LUZP2: variants seen among roughly 807,000 people sequenced by gnomAD.
The protein encoded by LUZP2 is leucine zipper protein 2.
LUZP2 carries 52 observed loss-of-function variants against 51.6 expected under a neutral mutation model. The observed-to-expected ratio is 1.01, with a 90% confidence interval of 0.81 to 1.27. The LOEUF (loss-of-function observed/expected upper bound fraction) is 1.27, where lower values mean the gene tolerates loss of function less well. Ranked by LOEUF, LUZP2 falls within the 50% of genes most tolerant of loss-of-function variation. The pLI is 0.00. For missense variants in LUZP2, 436 were observed against 395.4 expected, an observed-to-expected ratio of 1.10 and a Z score of -0.87; for synonymous variants, 154 against 137.3, an observed-to-expected ratio of 1.12 and a Z score of -0.85.
At chr11:25,063,873 A>G (rs1410511202) in intron 10 of LUZP2, among the ~76,000 whole-genome samples, 2 of 151,802 alleles carry the variant, frequency 1.3e-5, no homozygotes, top group Non-Finnish European at 3.0e-5. Context: ...CCATTTCCCT[A>G]TTAAATAAAT....
At chr11:24,961,217 T>C (rs1372905082) in intron 7 of LUZP2, among the ~76,000 whole-genome samples, 1 of 152,206 alleles carries the variant, frequency 6.6e-6, no homozygotes, top group East Asian at 1.9e-4. Flanking sequence ...AAAAAATGTA[T>C]ATTCTGTTGA....
At chr11:24,666,133 A>C (rs1403501900) in intron 1 of LUZP2, among the ~76,000 whole-genome samples, 1 of 152,084 alleles carries the variant, frequency 6.6e-6, no homozygotes. Context: ...AAACAGGAGG[A>C]GCTAGAAATG....
chr11:24,724,350 G>C (rs181833673), intron 1 of LUZP2, among the ~76,000 whole-genome samples: 20 of 152,162 alleles, frequency 1.3e-4, no homozygotes, highest in Non-Finnish European at 2.4e-4. Flanking sequence ...AGGGCAGATC[G>C]ATTGAGCTCA....
chr11:24,579,603 A>C (rs1249585515), intron 1 of LUZP2, among the ~76,000 whole-genome samples: 1 of 152,082 alleles, frequency 6.6e-6, no homozygotes, highest in Non-Finnish European at 1.5e-5. Context: ...TGTATAGTAG[A>C]AATAAAATAA....
At chr11:24,816,857 G>T (rs1217190011) in intron 5 of LUZP2, among the ~76,000 whole-genome samples, 1 of 151,890 alleles carries the variant, frequency 6.6e-6, no homozygotes, top group Non-Finnish European at 1.5e-5. Flanking sequence ...TTCTTTTTCT[G>T]GGCGGTATAT....
chr11:24,632,862 G>T (rs146867105), intron 1 of LUZP2, among the ~76,000 whole-genome samples: 2 of 152,110 alleles, frequency 1.3e-5, no homozygotes, highest in Non-Finnish European at 2.9e-5. Flanking sequence ...GGGGATATTA[G>T]TACTCACCCA....
At chr11:24,845,904 G>A (rs2631473) in intron 5 of LUZP2, among the ~76,000 whole-genome samples, 22,983 of 151,796 alleles carry the variant, frequency 0.15, 1,905 homozygotes, top group African/African-American at 0.2. Context: ...GTCTGGAAAC[G>A]GACTAATAAA....
intron 7 of LUZP2, among the ~76,000 whole-genome samples, chr11:24,923,644 C>T: frequency 6.6e-6 from 1 of 152,034 alleles, no homozygotes; most frequent in East Asian, 1.9e-4. Flanking sequence ...TTGCAGTGAG[C>T]CAAGATCGCG....
intron 1 of LUZP2, among the ~76,000 whole-genome samples, chr11:24,505,762 A>G (rs1377199400): frequency 6.6e-6 from 1 of 152,034 alleles, no homozygotes; most frequent in Non-Finnish European, 1.5e-5. Flanking sequence ...CCAATTCTCT[A>G]TTATCTTAAC....
At chr11:24,880,812 C>T (rs554266387) in intron 5 of LUZP2, among the ~76,000 whole-genome samples, 1 of 151,958 alleles carries the variant, frequency 6.6e-6, no homozygotes, top group African/African-American at 2.4e-5. Flanking sequence ...ATGTTTTACC[C>T]AATGCTAGAC....
chr11:24,768,652 T>G (rs2134045616), intron 5 of LUZP2, among the ~76,000 whole-genome samples: 1 of 152,190 alleles, frequency 6.6e-6, no homozygotes, highest in South Asian at 2.1e-4. Flanking sequence ...AATAAAAAAA[T>G]ACTCCCAACA....
chr11:24,543,524 T>C (rs112395882), intron 1 of LUZP2, among the ~76,000 whole-genome samples: 1 of 152,152 alleles, frequency 6.6e-6, no homozygotes, highest in African/African-American at 2.4e-5. Context: ...GACATACAGT[T>C]TGTATTGCTA....
intron 7 of LUZP2, among the ~76,000 whole-genome samples, chr11:24,919,524 T>TTA (rs1157059893): frequency 7.1e-6 from 1 of 140,696 alleles, no homozygotes; most frequent in Non-Finnish European, 1.5e-5. Flanking sequence ...TATATATTCT[T>TTA]TATATATATA....
At chr11:24,524,451 A>G (rs540921977) in intron 1 of LUZP2, among the ~76,000 whole-genome samples, 58 of 151,860 alleles carry the variant, frequency 3.8e-4, no homozygotes, top group South Asian at 4.1e-4. Flanking sequence ...ACTCTGAGGC[A>G]TCTAGTTGAA....
At chr11:24,954,757 A>G (rs1053530021) in intron 7 of LUZP2, among the ~76,000 whole-genome samples, 3 of 152,026 alleles carry the variant, frequency 2.0e-5, no homozygotes, top group African/African-American at 7.2e-5. Flanking sequence ...CATACCAATC[A>G]TTTTATATTT....
At chr11:24,632,035 T>A (rs1268951069) in intron 1 of LUZP2, among the ~76,000 whole-genome samples, 1 of 152,034 alleles carries the variant, frequency 6.6e-6, no homozygotes, top group Non-Finnish European at 1.5e-5. Context: ...TTTTGCTTTT[T>A]ACTATGGAAG....
At chr11:25,049,526 G>A (rs1035728119) in intron 9 of LUZP2, among the ~76,000 whole-genome samples, 1 of 151,632 alleles carries the variant, frequency 6.6e-6, no homozygotes, top group Non-Finnish European at 1.5e-5. Context: ...ATAATATTTA[G>A]GGTTTCTGGA....
chr11:24,664,369 C>T (rs962510871), intron 1 of LUZP2, among the ~76,000 whole-genome samples: 3 of 152,006 alleles, frequency 2.0e-5, no homozygotes, highest in Non-Finnish European at 1.5e-5. Flanking sequence ...ACAGAGTATA[C>T]AAGTTTGGAA....
intron 7 of LUZP2, among the ~76,000 whole-genome samples, chr11:24,961,462 T>C (rs1446073907): frequency 6.6e-6 from 1 of 152,178 alleles, no homozygotes; most frequent in Admixed American, 6.5e-5. Flanking sequence ...TTAGAATAGT[T>C]AGCTCTTCTT....
Sources: gnomAD v4.1 joint callset for allele counts (sites outside exome capture counted in the v4.1 genomes callset) on GRCh38, gnomAD v4.1.1 for gene constraint, MANE v1.5 for transcripts, NCBI Gene and HGNC (gene_info 2026-07-23, HGNC 2026-07-21) for gene names.